Variants in KSR1 observed in about 807,000 individuals in gnomAD.
KSR1 encodes kinase suppressor of ras 1.
KSR1 carries 35 observed loss-of-function variants against 92.9 expected under a neutral mutation model. The ratio of observed to expected loss-of-function variants is 0.38; its 90% CI spans 0.29 to 0.50. The LOEUF is 0.50. Ranked by LOEUF, KSR1 falls within the 20% of genes least tolerant of loss-of-function variation. The probability of loss-of-function intolerance (pLI) is 0.94; values close to 1 mark genes in which losing one functional copy is unlikely to be tolerated. For synonymous variants in KSR1, 467 were observed against 472.6 expected (o/e 0.99, Z 0.15); for missense variants, 972 against 1,158.5 (o/e 0.84, Z 2.34).
At chr17:27,511,016 G>A (rs978334080) in intron 1 of KSR1, among the ~76,000 whole-genome samples, 49 of 152,210 alleles carry the variant, frequency 3.2e-4, no homozygotes, top group African/African-American at 1.0e-3. Context: ...CTCAGAAGGT[G>A]GGGATGAGCC....
At chr17:27,475,204 C>T (rs1447760362) in intron 1 of KSR1, among the ~76,000 whole-genome samples, 1 of 151,850 alleles carries the variant, frequency 6.6e-6, no homozygotes, top group African/African-American at 2.4e-5. Context: ...CACAAGGGGC[C>T]CTGGGCATGA....
intron 18 of KSR1, among the ~76,000 whole-genome samples, chr17:27,614,132 A>T (rs991741155): frequency 3.3e-5 from 5 of 152,320 alleles, no homozygotes; most frequent in African/African-American, 1.2e-4. Flanking sequence ...TAAGACATAC[A>T]TATCATAAAA....
chr17:27,570,344 C>T (rs1033256785), intron 2 of KSR1, among the ~76,000 whole-genome samples: 3 of 152,192 alleles, frequency 2.0e-5, no homozygotes, highest in Non-Finnish European at 4.4e-5. Flanking sequence ...CTCTCTCAGC[C>T]TTATCTCCCA....
chr17:27,490,348 A>G (rs1404930446), intron 1 of KSR1, among the ~76,000 whole-genome samples: 1 of 152,234 alleles, frequency 6.6e-6, no homozygotes, highest in Non-Finnish European at 1.5e-5. Context: ...TTGTAAAATT[A>G]TGAGAAAGTT....
At chr17:27,523,938 G>A (rs1255167375) in intron 1 of KSR1, among the ~76,000 whole-genome samples, 1 of 152,216 alleles carries the variant, frequency 6.6e-6, no homozygotes, top group Admixed American at 6.5e-5. Flanking sequence ...ATGGAAACGG[G>A]CCAGCTAAAA....
chr17:27,576,259 G>C lies in KSR1; in HGVS notation c.373-1233G>C, dbSNP rs151308539. Among the ~76,000 whole-genome samples, 538 of 152,124 alleles carry C rather than the reference G, an allele frequency of 3.5e-3. 6 individuals carry two copies. The highest frequency in any genetic ancestry group is 0.012 in the African/African-American group (516 of 41,474). ...ATAGTAATACCCCCTTTTCTGTAGG[G>C]GATATGTTCCAGGACCCTCAGTGGA... On this transcript the variant is annotated intron_variant, in intron 2 of 20. Transcript: ENST00000644974.
At position 27,456,498 on chromosome 17, in the gene KSR1, G is replaced by A. The variant is rs1051460292; in HGVS notation, c.-146G>A. On this transcript the variant is annotated 5_prime_UTR_variant, in exon 1 of 21. Transcript: ENST00000644974. ...CGCGGCTGGGAGGGTGGAAGCGGCA[G>A]ACTCAGCGGCCGGCTCTACCGGCGT... is the stretch of plus-strand genomic sequence containing the variant. The A allele has an allele frequency of 7.6e-6, 3 of 397,346 alleles. No individual in the cohort carries two copies. Among genetic ancestry groups the A allele is most frequent in the African/African-American group, 6.3e-5 (3 of 47,542 alleles). The allele number at this position is 397,346 out of a possible 1,614,324, so 24.6% of individuals were successfully genotyped here.
At position 27,577,621 on chromosome 17, in the gene KSR1, C is replaced by T. The variant is rs371840328; in HGVS notation, c.502C>T (p.Arg168Trp). 41 of 1,581,908 alleles carry T rather than the reference C, an allele frequency of 2.6e-5. No individual in the cohort carries two copies. The highest frequency in any genetic ancestry group is 2.0e-4 in the South Asian group (17 of 86,854). The change falls in exon 3 of 21, where the codon CGG becomes TGG. Residue 168 changes from arginine (R) to tryptophan (W), a missense_variant. Physicochemically the swap from Arg to Trp is moderately radical, Grantham distance 101. Coordinates refer to ENST00000644974, the MANE Select transcript of KSR1 (RefSeq NM_001394583.1). The surrounding 1 kb of genome is among the most constrained non-coding windows in gnomAD (Gnocchi z 4.5). ...GRLQYALTCL[R>W]KVTGLGGEHK... ...TCTGCAGTATGCCCTCACCTGCCTG[C>T]GGAAGGTGACAGGCCTGGGTACGTG...
At position 27,509,466 on chromosome 17, in the gene KSR1, T is replaced by G. The variant is rs747049532; in HGVS notation, c.232-41102T>G. 6.6e-5 allele frequency among the ~76,000 whole-genome samples: 10 copies of G among 152,080 alleles called. No homozygotes were observed. The East Asian group carries it at 1.7e-3, about 27-fold the overall frequency. Reference sequence around the variant, plus strand: ...CCACCACGCCCGGCTATTTTTTGTATTTTTAGGAGAGACGGGGTTTCACCA... The same window carrying G: ...CCACCACGCCCGGCTATTTTTTGTAGTTTTAGGAGAGACGGGGTTTCACCA... On this transcript the variant is annotated intron_variant, in intron 1 of 20. Coordinates refer to ENST00000644974, the MANE Select transcript of KSR1 (RefSeq NM_001394583.1).
intron 1 of KSR1, among the ~76,000 whole-genome samples, chr17:27,491,386 C>T (rs560790297): frequency 6.6e-6 from 1 of 151,644 alleles, no homozygotes; most frequent in South Asian, 2.1e-4. Flanking sequence ...TGGAATGTCT[C>T]GCTTTCTTGC....
intron 12 of KSR1, 99 bp from the exon 13 acceptor site, chr17:27,604,581 G>A (rs879244583): frequency 4.8e-6 from 6 of 1,237,940 alleles, no homozygotes; most frequent in African/African-American, 1.5e-5. Context: ...GTGAGTCAGA[G>A]TAAGTACCTT....
At chr17:27,599,688 TCTC>T (rs547083402) in intron 10 of KSR1, among the ~76,000 whole-genome samples, 82 of 152,308 alleles carry the variant, frequency 5.4e-4, no homozygotes, top group African/African-American at 1.9e-3. Flanking sequence ...TTTAAAATAT[TCTC>T]CTCAATAATA....
intron 1 of KSR1, among the ~76,000 whole-genome samples, chr17:27,537,306 G>T (rs2070785740): frequency 6.6e-6 from 1 of 152,222 alleles, no homozygotes; most frequent in South Asian, 2.1e-4. Flanking sequence ...GGTACTCTAA[G>T]GTACTGCATG....
intron 1 of KSR1, among the ~76,000 whole-genome samples, chr17:27,481,934 G>A (rs2068524039): frequency 6.6e-6 from 1 of 152,196 alleles, no homozygotes; most frequent in African/African-American, 2.4e-5. Flanking sequence ...AATCCTGAGT[G>A]CTATGATGCT....
intron 1 of KSR1, among the ~76,000 whole-genome samples, chr17:27,496,587 C>G (rs984475748): frequency 2.4e-4 from 36 of 152,116 alleles, no homozygotes; most frequent in African/African-American, 8.7e-4. Context: ...CTCCTGTGCC[C>G]CAGAGCGAGA....
At chr17:27,467,471 C>T (rs551968385) in intron 1 of KSR1, among the ~76,000 whole-genome samples, 1 of 152,342 alleles carries the variant, frequency 6.6e-6, no homozygotes, top group East Asian at 1.9e-4. Context: ...ATCACAGAAT[C>T]ACAGAGCGAT....
chr17:27,478,128 T>A (rs184684413), intron 1 of KSR1, among the ~76,000 whole-genome samples: 1 of 152,210 alleles, frequency 6.6e-6, no homozygotes, highest in African/African-American at 2.4e-5. Flanking sequence ...TTCCAGGGCT[T>A]AGCCCAGTAC....
At chr17:27,594,661 G>A (rs2073281765) in intron 9 of KSR1, among the ~76,000 whole-genome samples, 1 of 152,178 alleles carries the variant, frequency 6.6e-6, no homozygotes, top group Non-Finnish European at 1.5e-5. Context: ...AACCATTACT[G>A]AGTTCTCACT....
intron 1 of KSR1, among the ~76,000 whole-genome samples, chr17:27,461,256 T>C (rs1477087398): frequency 6.6e-6 from 1 of 152,120 alleles, no homozygotes; most frequent in Non-Finnish European, 1.5e-5. Flanking sequence ...AATTTTCGTG[T>C]TTTTAGTAGA....
Sources: allele counts gnomAD v4.1 joint callset (sites outside exome capture counted in the v4.1 genomes callset), GRCh38; gene constraint gnomAD v4.1.1; non-coding constraint Gnocchi (gnomAD v3.1); transcripts MANE v1.5; gene names NCBI Gene and HGNC (gene_info 2026-07-23, HGNC 2026-07-21).